The following LCOR variants were observed in gnomAD, a reference collection of about 807,000 sequenced individuals.
LCOR encodes ligand-dependent corepressor.
In LCOR, 14 loss-of-function variants were observed where a neutral mutation model predicts 64.4. The observed-to-expected ratio is 0.22, with a 90% confidence interval of 0.14 to 0.34. The LOEUF is 0.34. LCOR is among the 10% of genes least tolerant of loss of function. The probability of loss-of-function intolerance (pLI) is 1.00; values close to 1 mark genes in which losing one functional copy is unlikely to be tolerated. For synonymous variants in LCOR, 643 were observed against 642.5 expected (o/e 1.00, Z -0.01); for missense variants, 1,686 against 1,765.3 (o/e 0.96, Z 0.80).
intron 4 of LCOR, among the ~76,000 whole-genome samples, chr10:96,943,896 A>G (rs1250747145): frequency 1.3e-5 from 2 of 152,208 alleles, no homozygotes; most frequent in Non-Finnish European, 1.5e-5. Context: ...AACAAAACTC[A>G]TAGTCAAAAA....
chr10:96,984,389 T>G lies in LCOR; in HGVS notation c.3929T>G (p.Leu1310Arg). The G allele has an allele frequency of 6.2e-7, 1 of 1,614,194 alleles. No individual in the cohort carries two copies. Among genetic ancestry groups the G allele is most frequent in the Non-Finnish European group, 8.5e-7 (1 of 1,180,034 alleles). The change falls in exon 8 of 8, where the codon CTT (leucine) becomes CGT (arginine). Residue 1310 changes from leucine to arginine, a missense_variant. This residue lies in a region of LCOR where 1,293 missense variants were observed against 1,410.4 expected (regional missense o/e 0.92). Coordinates refer to ENST00000421806, the MANE Select transcript of LCOR (RefSeq NM_001346516.2). ...NLPTPASTRI[L>R]RKYSNIRGKL... Reference sequence around the variant, plus strand: ...CCCACTCCAGCCAGTACCCGGATTCTTAGAAAATATTCCAATATTCGAGGA... The same window carrying G: ...CCCACTCCAGCCAGTACCCGGATTCGTAGAAAATATTCCAATATTCGAGGA...
At chr10:96,938,154 T>G (rs1054052478) in intron 4 of LCOR, among the ~76,000 whole-genome samples, 5 of 152,054 alleles carry the variant, frequency 3.3e-5, no homozygotes, top group African/African-American at 1.2e-4. Context: ...GACGGGGGTC[T>G]CCCTATGTTG....
chr10:96,871,230 T>C (rs1194294546), intron 2 of LCOR, among the ~76,000 whole-genome samples: 2 of 151,762 alleles, frequency 1.3e-5, no homozygotes, highest in African/African-American at 4.8e-5. Context: ...TTTTTTTTTT[T>C]TCCTCTTGTA....
chr10:96,974,974 G>A (rs1306738892), intron 7 of LCOR, among the ~76,000 whole-genome samples: 1 of 152,196 alleles, frequency 6.6e-6, no homozygotes, highest in Non-Finnish European at 1.5e-5. Context: ...CTTAAGACCA[G>A]CCTGGCCAAC....
rs1848195190 is a variant in LCOR at position 96,990,978 on chromosome 10, G to A, written c.*5844G>A. Reference sequence around the variant, plus strand: ...GTACTCATGGTATTACAATATGCCAGGGGTTGGACAAATGGATTTTTTACC... The same window carrying A: ...GTACTCATGGTATTACAATATGCCAAGGGTTGGACAAATGGATTTTTTACC... On this transcript the variant is annotated 3_prime_UTR_variant, in exon 8 of 8. Coordinates refer to ENST00000421806, the MANE Select transcript of LCOR (RefSeq NM_001346516.2). 1 of 149,918 alleles carries A rather than the reference G, an allele frequency of 6.7e-6. No homozygotes were observed. Among genetic ancestry groups the A allele is most frequent in the Non-Finnish European group, 1.5e-5 (1 of 67,816 alleles). The allele number at this position is 149,918 out of a possible 1,614,324, so 9.3% of individuals were successfully genotyped here. A position where few individuals can be genotyped will look rare whatever the true frequency, so the allele number is the denominator to read the frequency against.
chr10:96,878,419 G>A (rs530118807), intron 2 of LCOR, among the ~76,000 whole-genome samples: 1 of 152,298 alleles, frequency 6.6e-6, no homozygotes, highest in South Asian at 2.1e-4. Context: ...TAGATTGATA[G>A]ATCTAACAGA....
Position 96,991,629 on chromosome 10 carries a change from T to TG in LCOR, c.*6496dup, listed in dbSNP as rs1589354112. On this transcript the variant is annotated 3_prime_UTR_variant, in exon 8 of 8. Coordinates refer to ENST00000421806, the MANE Select transcript of LCOR (RefSeq NM_001346516.2). The stretch of plus-strand genomic sequence containing the variant: ...TCTGGTCGTGATATGAGAACATAGA[T>TG]GCCTGGTGTTTGCCTGTTTGACTTT... The TG allele has an allele frequency of 6.6e-6, 1 of 152,252 alleles. No homozygotes were observed. Among genetic ancestry groups the TG allele is most frequent in the East Asian group, 1.9e-4 (1 of 5,202 alleles). 9.4% of individuals were successfully genotyped at this position (152,252 alleles called of 1,614,324 possible). A position where few individuals can be genotyped will look rare whatever the true frequency, so the allele number is the denominator to read the frequency against.
At chr10:96,875,402 A>G (rs1293466127) in intron 2 of LCOR, among the ~76,000 whole-genome samples, 1 of 151,912 alleles carries the variant, frequency 6.6e-6, no homozygotes, top group African/African-American at 2.4e-5. Context: ...AATAATACCT[A>G]GTATAAAACA....
chr10:96,984,377 G>A lies in LCOR; in HGVS notation c.3917G>A (p.Ser1306Asn). Residue 1306 changes from serine (S) to asparagine (N), a missense_variant, in exon 8 of 8, where the codon AGT becomes AAT. This residue lies in a region of LCOR where 1,293 missense variants were observed against 1,410.4 expected (regional missense o/e 0.92). Coordinates refer to ENST00000421806, the MANE Select transcript of LCOR (RefSeq NM_001346516.2). Reference protein sequence around the residue: ...HPPANLPTPASTRILRKYSNI... With the variant: ...HPPANLPTPANTRILRKYSNI... ...CCAGCAAACCTGCCCACTCCAGCCA[G>A]TACCCGGATTCTTAGAAAATATTCC... The A allele has an allele frequency of 1.2e-6, 2 of 1,614,174 alleles. No homozygotes were observed. Among genetic ancestry groups the A allele is most frequent in the Non-Finnish European group, 1.7e-6 (2 of 1,180,030 alleles).
intron 4 of LCOR, among the ~76,000 whole-genome samples, chr10:96,922,309 A>G (rs1847094705): frequency 6.6e-6 from 1 of 152,134 alleles, no homozygotes; most frequent in African/African-American, 2.4e-5. Flanking sequence ...AGATGCTATA[A>G]GTGAAAGAAA....
Position 96,855,357 on chromosome 10 carries a change from C to T in LCOR, c.-330+21878C>T, listed in dbSNP as rs545675477. Among the ~76,000 whole-genome samples the T allele has an allele frequency of 1.7e-4, 26 of 152,164 alleles. 1 individual carries two copies. The highest frequency in any genetic ancestry group is 5.8e-4 in the East Asian group (3 of 5,178). Reference sequence around the variant, plus strand: ...CGAGCCGATAATTACCTTTTTTGCTCAAGCCCATTTAAGTTGGGTTTTTAT... The same window carrying T: ...CGAGCCGATAATTACCTTTTTTGCTTAAGCCCATTTAAGTTGGGTTTTTAT... On this transcript the variant is annotated intron_variant, in intron 2 of 7. Transcript: ENST00000421806.
In LCOR at chr10:96,995,163, C is replaced by T. The variant is rs1255702636; in HGVS notation, c.*10029C>T. The T allele has an allele frequency of 6.6e-6, 1 of 152,232 alleles. No individual in the cohort carries two copies. Among genetic ancestry groups the T allele is most frequent in the Non-Finnish European group, 1.5e-5 (1 of 68,050 alleles). The allele number at this position is 152,232 out of a possible 1,614,324, so 9.4% of individuals were successfully genotyped here. A position where few individuals can be genotyped will look rare whatever the true frequency, so the allele number is the denominator to read the frequency against. ...ATTCAGGGAGCTCTAAAATGAATCT[C>T]TACCGTTCCTTTAAAGGTCTTTCTG... On this transcript the variant is annotated 3_prime_UTR_variant, in exon 8 of 8. Coordinates refer to ENST00000421806, the MANE Select transcript of LCOR (RefSeq NM_001346516.2). The surrounding 1 kb of genome is among the most constrained non-coding windows in gnomAD (Gnocchi z 4.2).
chr10:96,849,009 A>ATT (rs1395697764), intron 2 of LCOR, among the ~76,000 whole-genome samples: 5 of 58,908 alleles, frequency 8.5e-5, no homozygotes, highest in South Asian at 5.8e-4. Flanking sequence ...TGAGTTGAAA[A>ATT]TGTTTTTTTT....
rs139265608 is a variant in LCOR, at chr10:96,982,901, A to T, written c.2441A>T (p.Asp814Val). Reference sequence around the variant, plus strand: ...GGTAAAAAATTCCCTGAGGCCTCTGATAGGTGCCTAAGAAGTCAACTTTCG... The same window carrying T: ...GGTAAAAAATTCCCTGAGGCCTCTGTTAGGTGCCTAAGAAGTCAACTTTCG... ...KKGKKFPEAS[D>V]RCLRSQLSDS... Residue 814 changes from aspartate to valine, a missense_variant, in exon 8 of 8, where the codon GAT becomes GTT. This residue lies in a region of LCOR where 1,293 missense variants were observed against 1,410.4 expected (regional missense o/e 0.92). Coordinates refer to ENST00000421806, the MANE Select transcript of LCOR (RefSeq NM_001346516.2). 1 of 1,614,096 alleles carries T rather than the reference A, an allele frequency of 6.2e-7. No individual in the cohort carries two copies. The highest frequency in any genetic ancestry group is 8.5e-7 in the Non-Finnish European group (1 of 1,180,014).
rs1168429635 is a variant in LCOR, at chr10:96,994,083, C to A, written c.*8949C>A. The A allele has an allele frequency of 1.3e-5, 2 of 152,064 alleles. No homozygotes were observed. Among genetic ancestry groups the A allele is most frequent in the East Asian group, 3.9e-4 (2 of 5,192 alleles). 9.4% of individuals were successfully genotyped at this position (152,064 alleles called of 1,614,324 possible). The stretch of plus-strand genomic sequence containing the variant: ...CAGCACCAGACACATCAAAATTGGG[C>A]ACATAGATGGAAAATTTTGCAATTT... On this transcript the variant is annotated 3_prime_UTR_variant, in exon 8 of 8. Transcript: ENST00000421806.
chr10:96,953,290 G>T lies in LCOR; in HGVS notation c.332+1094G>T, dbSNP rs1195368936. On this transcript the variant is annotated intron_variant, in intron 7 of 7. Transcript: ENST00000421806. ...ACTTGAGCCGGGCGTGGTGGCTCAG[G>T]CCTGTAATCCCAGCACTTTGGGCGG... is the stretch of plus-strand genomic sequence containing the variant. 3.3e-5 allele frequency among the ~76,000 whole-genome samples: 5 copies of T among 152,066 alleles called. No homozygotes were observed. In the East Asian group the frequency reaches 7.7e-4, roughly 23 times the overall value.
intron 4 of LCOR, among the ~76,000 whole-genome samples, chr10:96,938,513 T>C (rs2134501570): frequency 6.7e-6 from 1 of 150,220 alleles, no homozygotes; most frequent in South Asian, 2.1e-4. Context: ...ACATCCACCG[T>C]TGTACATGAG....
At chr10:96,956,060 G>T in intron 7 of LCOR, 1 of 1,453,086 alleles carries the variant, frequency 6.9e-7, no homozygotes, top group South Asian at 1.5e-5. Flanking sequence ...TGTGTGTACA[G>T]AGATGAAATG....
At chr10:96,880,454 G>A (rs764539173) in intron 2 of LCOR, among the ~76,000 whole-genome samples, 23 of 152,324 alleles carry the variant, frequency 1.5e-4, no homozygotes, top group Admixed American at 9.8e-4. Context: ...CTGGAGTGCA[G>A]TAGTGCAGTC....
Sources: allele counts gnomAD v4.1 joint callset (sites outside exome capture counted in the v4.1 genomes callset), GRCh38; gene constraint gnomAD v4.1.1; regional missense constraint gnomAD v4.1.1; non-coding constraint Gnocchi (gnomAD v3.1); transcripts MANE v1.5; gene names NCBI Gene and HGNC (gene_info 2026-07-23, HGNC 2026-07-21).